Variants in SPOCK1 observed in about 807,000 individuals in gnomAD.
The protein encoded by SPOCK1 is SPARC (osteonectin), cwcv and kazal like domains proteoglycan 1.
In SPOCK1, 23 loss-of-function variants were observed where a neutral mutation model predicts 55.3. That is an observed-to-expected ratio of 0.42 (90% CI 0.30 to 0.59). SPOCK1 has a LOEUF of 0.59. Among genes scored for constraint, SPOCK1 ranks in the 20% least tolerant of loss-of-function variants. The pLI, the probability that SPOCK1 is intolerant of heterozygous loss-of-function variation, is 0.22. For synonymous variants in SPOCK1, 226 were observed against 221.0 expected (o/e 1.02, Z -0.20); for missense variants, 499 against 552.5 (o/e 0.90, Z 0.97).
intron 4 of SPOCK1, among the ~76,000 whole-genome samples, chr5:137,114,292 G>A (rs560851258): frequency 6.6e-6 from 1 of 152,322 alleles, no homozygotes; most frequent in African/African-American, 2.4e-5. Context: ...CTTACCTAAA[G>A]TCGTGGAGCT....
intron 2 of SPOCK1, among the ~76,000 whole-genome samples, chr5:137,452,464 T>A (rs1402431625): frequency 6.6e-6 from 1 of 152,182 alleles, no homozygotes; most frequent in South Asian, 2.1e-4. Flanking sequence ...GACTATTACC[T>A]ACTGCCACCT....
At position 137,359,890 on chromosome 5, in the gene SPOCK1, G is replaced by A. The variant is rs576822838; in HGVS notation, c.187-92835C>T. Among the ~76,000 whole-genome samples the A allele has an allele frequency of 6.6e-5, 10 of 152,306 alleles. No homozygotes were observed. In the East Asian group the frequency reaches 1.7e-3, roughly 26 times the overall value. ...ACCTATCCACTGCTGGGAGATGGCTGTGGTCCACAGATTTGTCCTGAAGCA... is the reference window on the plus strand; with the variant it reads ...ACCTATCCACTGCTGGGAGATGGCTATGGTCCACAGATTTGTCCTGAAGCA... On this transcript the variant is annotated intron_variant, in intron 2 of 10. Coordinates refer to ENST00000394945, the MANE Select transcript of SPOCK1 (RefSeq NM_004598.4).
At chr5:137,384,536 G>GTATATATACACACATATACATACATACA (rs1751556806) in intron 2 of SPOCK1, among the ~76,000 whole-genome samples, 2 of 145,292 alleles carry the variant, frequency 1.4e-5, no homozygotes, top group African/African-American at 5.7e-5. Context: ...GCATGCATAT[G>GTATATATACACACATATACATACATACA]TATATATACA....
intron 3 of SPOCK1, among the ~76,000 whole-genome samples, chr5:137,191,245 T>G (rs550575519): frequency 6.6e-6 from 1 of 152,362 alleles, no homozygotes; most frequent in East Asian, 1.9e-4. Context: ...TCCCCTCACA[T>G]GGGTTTTATG....
At chr5:137,023,669 C>T (rs143327277) in intron 6 of SPOCK1, among the ~76,000 whole-genome samples, 31 of 152,282 alleles carry the variant, frequency 2.0e-4, no homozygotes, top group African/African-American at 6.5e-4. Context: ...ATCATTTCAT[C>T]TGCAATGCGA....
intron 3 of SPOCK1, among the ~76,000 whole-genome samples, chr5:137,210,941 G>C (rs1486438617): frequency 6.6e-6 from 1 of 152,190 alleles, no homozygotes; most frequent in Non-Finnish European, 1.5e-5. Context: ...AAGCCAATCA[G>C]CTATAATTCT....
intron 3 of SPOCK1, among the ~76,000 whole-genome samples, chr5:137,246,777 G>A (rs1662498483): frequency 6.6e-6 from 1 of 152,292 alleles, no homozygotes; most frequent in East Asian, 1.9e-4. Flanking sequence ...CCAACATGTG[G>A]CCGTGGCACA....
intron 2 of SPOCK1, among the ~76,000 whole-genome samples, chr5:137,417,580 AT>A: frequency 6.6e-6 from 1 of 152,234 alleles, no homozygotes; most frequent in East Asian, 1.9e-4. Context: ...TTCTGTCACA[AT>A]TGATAAATGT....
intron 2 of SPOCK1, among the ~76,000 whole-genome samples, chr5:137,438,618 T>G (rs1752915245): frequency 6.6e-6 from 1 of 150,888 alleles, no homozygotes; most frequent in Admixed American, 6.6e-5. Context: ...AAAACTTCAT[T>G]TCTAAAATTT....
At chr5:137,413,223 TC>T (rs1451778556) in intron 2 of SPOCK1, among the ~76,000 whole-genome samples, 1 of 152,196 alleles carries the variant, frequency 6.6e-6, no homozygotes, top group African/African-American at 2.4e-5. Context: ...TGACTCTTCG[TC>T]TATTTTGGGT....
At chr5:137,252,431 GAGAATATTGTATGCAAAAGTTCCT>G (rs1273247460) in intron 3 of SPOCK1, among the ~76,000 whole-genome samples, 3 of 152,220 alleles carry the variant, frequency 2.0e-5, no homozygotes, top group Non-Finnish European at 2.9e-5. Context: ...AGCAGCCACT[GAGAATATTGTATGCAAAAGTTCCT>G]AGAATATTGT....
chr5:136,985,055 G>T, intron 9 of SPOCK1, 85 bp downstream of exon 9: 2 of 1,325,096 alleles, frequency 1.5e-6, no homozygotes, highest in Non-Finnish European at 2.2e-6. Context: ...AGCCCTAATT[G>T]AATAACCATT....
At chr5:137,136,414 A>G (rs1346996915) in intron 4 of SPOCK1, among the ~76,000 whole-genome samples, 1 of 152,214 alleles carries the variant, frequency 6.6e-6, no homozygotes, top group Non-Finnish European at 1.5e-5. Context: ...ATATCTATAA[A>G]TAATTTGTAG....
intron 3 of SPOCK1, among the ~76,000 whole-genome samples, chr5:137,206,473 G>A (rs573074373): frequency 4.3e-4 from 66 of 152,278 alleles, no homozygotes; most frequent in African/African-American, 1.3e-3. Flanking sequence ...TTTTAGAAGC[G>A]TACATGACTG....
chr5:137,365,687 G>T (rs905852385), intron 2 of SPOCK1, among the ~76,000 whole-genome samples: 18 of 152,110 alleles, frequency 1.2e-4, no homozygotes, highest in African/African-American at 4.3e-4. Flanking sequence ...CTCGTAATAT[G>T]AATCATCTGT....
At chr5:137,128,622 A>T (rs1480072677) in intron 4 of SPOCK1, among the ~76,000 whole-genome samples, 1 of 152,234 alleles carries the variant, frequency 6.6e-6, no homozygotes, top group Non-Finnish European at 1.5e-5. Flanking sequence ...CTTACACAGA[A>T]GATGGGTTTG....
At chr5:137,276,239 C>T (rs1164290297) in intron 2 of SPOCK1, among the ~76,000 whole-genome samples, 1 of 152,238 alleles carries the variant, frequency 6.6e-6, no homozygotes, top group African/African-American at 2.4e-5. Context: ...TTCCCCAAAA[C>T]TCTGTCCATG....
intron 3 of SPOCK1, among the ~76,000 whole-genome samples, chr5:137,245,693 C>T (rs985053535): frequency 2.0e-5 from 3 of 150,566 alleles, no homozygotes; most frequent in African/African-American, 7.3e-5. Flanking sequence ...AAGGGATGTA[C>T]GGTTAGATGG....
At chr5:137,342,400 G>A (rs1279094748) in intron 2 of SPOCK1, among the ~76,000 whole-genome samples, 2 of 152,110 alleles carry the variant, frequency 1.3e-5, no homozygotes, top group African/African-American at 2.4e-5. Flanking sequence ...CCATGGAATC[G>A]GTCACTATGA....
Sources: gnomAD v4.1 joint callset for allele counts (sites outside exome capture counted in the v4.1 genomes callset) on GRCh38, gnomAD v4.1.1 for gene constraint, MANE v1.5 for transcripts, NCBI Gene and HGNC (gene_info 2026-07-23, HGNC 2026-07-21) for gene names.